The following PAICS variants were observed in gnomAD, a reference collection of about 807,000 sequenced individuals.
PAICS encodes phosphoribosylaminoimidazole carboxylase and phosphoribosylaminoimidazolesuccinocarboxamide synthase.
A neutral mutation model predicts 53.7 loss-of-function variants in PAICS; 33 were observed. The ratio of observed to expected loss-of-function variants is 0.61; its 90% CI spans 0.47 to 0.82. The LOEUF is 0.82. Among genes scored for constraint, PAICS ranks in the 40% least tolerant of loss-of-function variants. The pLI is 0.00. For synonymous variants in PAICS, 141 were observed against 167.2 expected (o/e 0.84, Z 1.21); for missense variants, 394 against 494.1 (o/e 0.80, Z 1.92).
At chr4:56,444,952 A>G (rs1578150875) in intron 2 of PAICS, among the ~76,000 whole-genome samples, 1 of 152,144 alleles carries the variant, frequency 6.6e-6, no homozygotes, top group Non-Finnish European at 1.5e-5. Context: ...TGTAGTTACC[A>G]CCCCAAGTTG....
chr4:56,425,790 T>C, the PAICS span, among the ~76,000 whole-genome samples: 17 of 152,302 alleles, frequency 1.1e-4, no homozygotes, highest in South Asian at 3.5e-3. Context: ...GGCTGGAGGT[T>C]GAGTTCCATC....
At chr4:56,431,572 G>A (rs1188870600), upstream of PAICS, 4 of 942,832 alleles carry the variant, frequency 4.2e-6, no homozygotes, top group Non-Finnish European at 5.1e-6. Context: ...ATTTTTAGAA[G>A]TATGAAAATG....
the PAICS span, among the ~76,000 whole-genome samples, chr4:56,413,721 C>A: frequency 3.9e-5 from 6 of 151,934 alleles, no homozygotes; most frequent in Non-Finnish European, 5.9e-5. Flanking sequence ...CATGGTGAAA[C>A]CCCGTCTCTA....
upstream of PAICS, chr4:56,436,118 T>C (rs1220622397): frequency 2.0e-6 from 3 of 1,475,564 alleles, no homozygotes; most frequent in Non-Finnish European, 2.7e-6. Flanking sequence ...GGGCGTTGTT[T>C]CGTCCGATAT....
Position 56,461,510 on chromosome 4 carries a change from G to A in PAICS, c.*1972G>A, listed in dbSNP as rs529878558. On this transcript the variant is annotated 3_prime_UTR_variant, in exon 9 of 9. Coordinates refer to ENST00000512576, the MANE Select transcript of PAICS (RefSeq NM_001079524.2). ...TGGATAGGACTGACCATTACAAATT[G>A]TCGTTATCAATTTTTTTTCCTTTTT... The A allele has an allele frequency of 6.6e-6, 1 of 151,726 alleles. No homozygotes were observed. The highest frequency in any genetic ancestry group is 2.1e-4 in the South Asian group (1 of 4,816). 9.4% of individuals were successfully genotyped at this position (151,726 alleles called of 1,614,324 possible).
chr4:56,415,207 T>C, the PAICS span, among the ~76,000 whole-genome samples: 1 of 152,202 alleles, frequency 6.6e-6, no homozygotes, highest in South Asian at 2.1e-4. Flanking sequence ...TGTTACTCAA[T>C]AAAATAGAAG....
At chr4:56,420,773 ACATTTCTCTGAGACCCAT>A in the PAICS span, 1 of 152,230 alleles carries the variant, frequency 6.6e-6, no homozygotes, top group African/African-American at 2.4e-5. Context: ...TAGAAGTAGT[ACATTTCTCTGAGACCCAT>A]CATAAATGTC....
intron 2 of PAICS, among the ~76,000 whole-genome samples, chr4:56,442,661 T>G (rs1035035442): frequency 2.0e-5 from 3 of 152,210 alleles, no homozygotes; most frequent in African/African-American, 7.2e-5. Flanking sequence ...AGCTTTTTCT[T>G]TATCATTCTT....
At chr4:56,410,796 T>C in the PAICS span, 4 of 985,126 alleles carry the variant, frequency 4.1e-6, no homozygotes, top group Non-Finnish European at 4.8e-6. Flanking sequence ...GATTTGGATG[T>C]AATCCTGCAG....
At chr4:56,453,887 G>T (rs1256153985) in intron 8 of PAICS, 126 bp downstream of exon 8, 1 of 575,266 alleles carries the variant, frequency 1.7e-6, no homozygotes, top group Non-Finnish European at 3.0e-6. Flanking sequence ...ACATCTTGTT[G>T]TGTCTACAGC....
chr4:56,435,713 G>A (rs1427168794), upstream of PAICS: 6 of 1,467,138 alleles, frequency 4.1e-6, no homozygotes, highest in Non-Finnish European at 5.4e-6. Context: ...GCGGTCCCGC[G>A]GCTGAGGGGC....
At chr4:56,428,837 T>C in the PAICS span, 1 of 179,114 alleles carries the variant, frequency 5.6e-6, no homozygotes, top group Non-Finnish European at 1.1e-5. Context: ...TATTTGTCCA[T>C]CTGCTTAAGT....
At chr4:56,456,092 G>A (rs990058942) in intron 8 of PAICS, among the ~76,000 whole-genome samples, 2 of 151,936 alleles carry the variant, frequency 1.3e-5, no homozygotes, top group African/African-American at 4.8e-5. Flanking sequence ...CTTCTATTGA[G>A]TTTTTCTTTT....
At position 56,463,393 on chromosome 4, in the gene PAICS, C is replaced by T. The variant is rs1044854998; in HGVS notation, c.*3855C>T. ...GCTTGCCTCTGAGTTGACAAGATAC[C>T]ATAAGATACTGTACATGAGGCTGGG... On this transcript the variant is annotated 3_prime_UTR_variant, in exon 9 of 9. Transcript: ENST00000512576. 2 of 151,336 alleles carry T rather than the reference C, an allele frequency of 1.3e-5. No homozygotes were observed. The highest frequency in any genetic ancestry group is 2.9e-5 in the Non-Finnish European group (2 of 67,962). The allele number at this position is 151,336 out of a possible 1,614,324, so 9.4% of individuals were successfully genotyped here. A position where few individuals can be genotyped will look rare whatever the true frequency, so the allele number is the denominator to read the frequency against.
At chr4:56,419,810 G>A in the PAICS span, 1 of 984,674 alleles carries the variant, frequency 1.0e-6, no homozygotes, top group African/African-American at 1.7e-5. Context: ...CCAAGCTTCA[G>A]AAATTTGGAA....
At chr4:56,416,438 GGTATA>G in the PAICS span, 1 of 631,674 alleles carries the variant, frequency 1.6e-6, no homozygotes, top group African/African-American at 2.0e-5. Context: ...AATGGAACTA[GGTATA>G]GTATAATGGA....
In PAICS at chr4:56,448,711, T is replaced by C. The variant is rs1718745689; in HGVS notation, c.575T>C (p.Ile192Thr). 2 of 1,569,414 alleles carry C rather than the reference T, an allele frequency of 1.3e-6. No individual in the cohort carries two copies. Among genetic ancestry groups the C allele is most frequent in the Non-Finnish European group, 1.7e-6 (2 of 1,148,082 alleles). ...PQNCTLVDMK[I>T]EFGVDVTTKE... ...ACTTTGTTGACATGCTGTTTCCAGA[T>C]TGAATTTGGTGTTGATGTAACCACC... Residue 192 changes from isoleucine (I) to threonine (T), a missense_variant and splice_region_variant, in exon 5 of 9, where the codon ATT becomes ACT. By Grantham distance (89) the Ile-to-Thr change is moderately conservative. Coordinates refer to ENST00000512576, the MANE Select transcript of PAICS (RefSeq NM_001079524.2).
the PAICS span, among the ~76,000 whole-genome samples, chr4:56,417,405 A>G: frequency 1.3e-5 from 2 of 152,184 alleles, no homozygotes; most frequent in Non-Finnish European, 2.9e-5. Context: ...AACCTGACAA[A>G]AGTTATTAAT....
At chr4:56,410,934 G>C in the PAICS span, 2 of 876,060 alleles carry the variant, frequency 2.3e-6, no homozygotes, top group African/African-American at 4.5e-5. Flanking sequence ...AAAAAGAAAA[G>C]TACTCTTGTT....
Sources: allele counts gnomAD v4.1 joint callset (sites outside exome capture counted in the v4.1 genomes callset), GRCh38; gene constraint gnomAD v4.1.1; transcripts MANE v1.5; gene names NCBI Gene and HGNC (gene_info 2026-07-23, HGNC 2026-07-21).